XXYLT1: variants seen among roughly 807,000 people sequenced by gnomAD.
The protein encoded by XXYLT1 is xyloside xylosyltransferase 1.
In XXYLT1, 20 loss-of-function variants were observed where a neutral mutation model predicts 28.9. The observed-to-expected ratio is 0.69, with a 90% confidence interval of 0.49 to 1.00. XXYLT1 has a LOEUF of 1.00. Among genes scored for constraint, XXYLT1 ranks in the 50% least tolerant of loss-of-function variants. The pLI is 0.00. For missense variants in XXYLT1, 542 were observed against 560.1 expected, an observed-to-expected ratio of 0.97 and a Z score of 0.33; for synonymous variants, 257 against 253.8, an observed-to-expected ratio of 1.01 and a Z score of -0.12.
intron 2 of XXYLT1, among the ~76,000 whole-genome samples, chr3:195,212,834 C>A (rs2108781404): frequency 6.6e-6 from 1 of 152,282 alleles, no homozygotes; most frequent in Middle Eastern, 3.4e-3. Context: ...GGCGTTTAGG[C>A]CCAGTTCCCT....
intron 3 of XXYLT1, among the ~76,000 whole-genome samples, chr3:195,125,871 C>T (rs1440092557): frequency 1.3e-5 from 2 of 152,186 alleles, no homozygotes; most frequent in Non-Finnish European, 2.9e-5. Context: ...CATCCACCTC[C>T]CGCAGCAGCC....
chr3:195,165,871 G>A (rs1721094938), intron 2 of XXYLT1, among the ~76,000 whole-genome samples: 1 of 152,004 alleles, frequency 6.6e-6, no homozygotes, highest in Admixed American at 6.6e-5. Flanking sequence ...TCAGGTACTG[G>A]ACTACACACT....
At chr3:195,242,166 C>T (rs1724804740) in intron 1 of XXYLT1, among the ~76,000 whole-genome samples, 2 of 152,164 alleles carry the variant, frequency 1.3e-5, no homozygotes, top group South Asian at 4.1e-4. Flanking sequence ...CAGAATGTTG[C>T]CCCGTGGCCC....
chr3:195,266,292 G>A (rs1339959211), intron 1 of XXYLT1, among the ~76,000 whole-genome samples: 1 of 152,100 alleles, frequency 6.6e-6, no homozygotes. Flanking sequence ...TCAAGAGATC[G>A]AGACCATCCT....
chr3:195,192,383 C>T (rs1395368786), intron 2 of XXYLT1, among the ~76,000 whole-genome samples: 1 of 150,268 alleles, frequency 6.7e-6, no homozygotes, highest in Non-Finnish European at 1.5e-5. Flanking sequence ...CAAGATCACG[C>T]CACTGCACTC....
intron 2 of XXYLT1, among the ~76,000 whole-genome samples, chr3:195,220,320 T>C (rs555350905): frequency 6.6e-6 from 1 of 152,244 alleles, no homozygotes; most frequent in Non-Finnish European, 1.5e-5. Flanking sequence ...TTTTTTGTAT[T>C]TTTAGTAGAA....
chr3:195,120,796 G>A (rs1284194016), intron 3 of XXYLT1, among the ~76,000 whole-genome samples: 3 of 152,178 alleles, frequency 2.0e-5, no homozygotes, highest in South Asian at 2.1e-4. Context: ...GCAAGCTCAC[G>A]GCACCTGAGA....
At position 195,195,360 on chromosome 3, in the gene XXYLT1, T is replaced by C. The variant is rs1722581837; in HGVS notation, c.652+31349A>G. On this transcript the variant is annotated intron_variant, in intron 2 of 3. Coordinates refer to ENST00000310380, the MANE Select transcript of XXYLT1 (RefSeq NM_152531.5). The surrounding 1 kb of genome is among the most constrained non-coding windows in gnomAD (Gnocchi z 4.4). ...CCAGCAAGACATGCCTGGCTTGAAG[T>C]GCTCTGAGAAGGTGGCCTGGCTTCC... Among the ~76,000 whole-genome samples, 2 of 152,340 alleles carry C rather than the reference T, an allele frequency of 1.3e-5. No individual in the cohort carries two copies. The highest frequency in any genetic ancestry group is 4.1e-4 in the South Asian group (2 of 4,828).
chr3:195,270,326 G>T, intron 1 of XXYLT1: 7 of 1,018,982 alleles, frequency 6.9e-6, no homozygotes, highest in Non-Finnish European at 9.3e-6. Context: ...GGAAAACGAG[G>T]CGGTCATTAA....
At position 195,115,263 on chromosome 3, in the gene XXYLT1, C is replaced by T. The variant is rs1260055812; in HGVS notation, c.785+41186G>A. On this transcript the variant is annotated intron_variant, in intron 3 of 3. Transcript: ENST00000310380. The surrounding 1 kb of genome is among the most constrained non-coding windows in gnomAD (Gnocchi z 4.2). ...TCACCTTGAACCCAGGTCGTGCTGCCGCTTCCTGAGTACCAGAAAAGCAGG... is the reference window on the plus strand; with the variant it reads ...TCACCTTGAACCCAGGTCGTGCTGCTGCTTCCTGAGTACCAGAAAAGCAGG... Among the ~76,000 whole-genome samples, 3 of 152,182 alleles carry T rather than the reference C, an allele frequency of 2.0e-5. No individual in the cohort carries two copies. Among genetic ancestry groups the T allele is most frequent in the Non-Finnish European group, 2.9e-5 (2 of 68,032 alleles).
intron 3 of XXYLT1, 136 bp from the exon 4 acceptor site, chr3:195,070,247 G>A: frequency 8.4e-7 from 1 of 1,186,248 alleles, no homozygotes; most frequent in Non-Finnish European, 1.1e-6. Context: ...CACTACACCA[G>A]CAAGTGGCAG....
intron 3 of XXYLT1, among the ~76,000 whole-genome samples, chr3:195,103,082 G>A (rs888830067): frequency 2.0e-5 from 3 of 152,184 alleles, no homozygotes. Context: ...AATCAACCCC[G>A]TACTGCCAGC....
At chr3:195,093,767 C>T (rs573648640) in intron 3 of XXYLT1, 17 of 152,270 alleles carry the variant, frequency 1.1e-4, no homozygotes, top group African/African-American at 3.4e-4. Flanking sequence ...TAGACTCCTC[C>T]GAAAATAACA....
intron 2 of XXYLT1, among the ~76,000 whole-genome samples, chr3:195,158,600 A>T (rs1032413435): frequency 3.3e-5 from 5 of 152,226 alleles, no homozygotes; most frequent in Admixed American, 1.3e-4. Context: ...GTAACACTTC[A>T]CCAGGTGAGG....
At chr3:195,227,980 T>C (rs1724128064) in intron 1 of XXYLT1, among the ~76,000 whole-genome samples, 1 of 152,178 alleles carries the variant, frequency 6.6e-6, no homozygotes, top group Admixed American at 6.5e-5. Context: ...CTTGCAAGTT[T>C]TTCCTGTTGT....
chr3:195,204,280 T>C (rs1202794523), intron 2 of XXYLT1, among the ~76,000 whole-genome samples: 1 of 150,932 alleles, frequency 6.6e-6, no homozygotes, highest in Non-Finnish European at 1.5e-5. Context: ...GAGGCAGAGG[T>C]TGCAGTGAGC....
intron 3 of XXYLT1, among the ~76,000 whole-genome samples, chr3:195,145,035 TTA>T (rs10536221): frequency 0.19 from 29,488 of 152,108 alleles, 3,379 homozygotes; most frequent in East Asian, 0.42. Context: ...TGAGCTGCAA[TTA>T]TACATCATCA....
intron 1 of XXYLT1, among the ~76,000 whole-genome samples, chr3:195,231,997 C>G (rs1724321062): frequency 1.3e-5 from 2 of 152,042 alleles, no homozygotes; most frequent in South Asian, 4.1e-4. Flanking sequence ...TAGAACTTAG[C>G]AGAGAAGCCA....
In XXYLT1 at chr3:195,270,312, G is replaced by A. The variant is rs530608741; in HGVS notation, c.504+243C>T. 158 of 932,812 alleles carry A rather than the reference G, an allele frequency of 1.7e-4. No homozygotes were observed. The African/African-American group carries it at 2.3e-3, about 14-fold the overall frequency. The allele number at this position is 932,812 out of a possible 1,614,324, so 57.8% of individuals were successfully genotyped here. A position where few individuals can be genotyped will look rare whatever the true frequency, so the allele number is the denominator to read the frequency against. On this transcript the variant is annotated intron_variant, in intron 1 of 3. Transcript: ENST00000310380. ...TCCTGGGGGCTGCGCTTAACTGGGG[G>A]AGAGGAAAACGAGGCGGTCATTAAA...
Sources: allele counts gnomAD v4.1 joint callset (sites outside exome capture counted in the v4.1 genomes callset), GRCh38; gene constraint gnomAD v4.1.1; non-coding constraint Gnocchi (gnomAD v3.1); transcripts MANE v1.5; gene names NCBI Gene and HGNC (gene_info 2026-07-23, HGNC 2026-07-21).